Variants in HIBCH observed in about 807,000 individuals in gnomAD.
HIBCH encodes 3-hydroxyisobutyryl-CoA hydrolase, mitochondrial.
In HIBCH, 50 loss-of-function variants were observed where a neutral mutation model predicts 58.2. The observed-to-expected ratio is 0.86, with a 90% CI of 0.68 to 1.09. The LOEUF (loss-of-function observed/expected upper bound fraction) is 1.09, where lower values mean the gene tolerates loss of function less well. HIBCH is among the 50% of genes least tolerant of loss of function. The pLI, the probability that HIBCH is intolerant of heterozygous loss-of-function variation, is 0.00. For synonymous variants in HIBCH, 151 were observed against 146.9 expected (o/e 1.03, Z -0.20); for missense variants, 450 against 449.7 (o/e 1.00, Z -0.01).
intron 8 of HIBCH, chr2:190,250,304 C>A (rs1686726536): frequency 4.5e-6 from 2 of 442,298 alleles, no homozygotes; most frequent in South Asian, 3.4e-5. Flanking sequence ...AGCTTCTAGT[C>A]CTTTCTTACA....
chr2:190,192,441 T>A (rs887175506), intron 1 of HIBCH, among the ~76,000 whole-genome samples: 3 of 149,400 alleles, frequency 2.0e-5, no homozygotes, highest in Admixed American at 6.8e-5. Flanking sequence ...TTTCCATGTA[T>A]AATTCAGAAT....
At chr2:190,294,837 G>A (rs552963768) in intron 3 of HIBCH, among the ~76,000 whole-genome samples, 8 of 152,238 alleles carry the variant, frequency 5.3e-5, no homozygotes, top group African/African-American at 1.9e-4. Context: ...AGATAAAGTA[G>A]AGGCTATTTC....
intron 3 of HIBCH, among the ~76,000 whole-genome samples, chr2:190,296,319 C>T (rs1212965443): frequency 6.6e-6 from 1 of 151,540 alleles, no homozygotes; most frequent in African/African-American, 2.4e-5. Flanking sequence ...ACTCAGGAGG[C>T]TGAAGCAGGA....
chr2:190,259,630 ATTG>A (rs1687031612), intron 7 of HIBCH, among the ~76,000 whole-genome samples: 1 of 152,114 alleles, frequency 6.6e-6, no homozygotes, highest in Non-Finnish European at 1.5e-5. Flanking sequence ...TGTAAATGAA[ATTG>A]TTTTCTTATT....
chr2:190,241,348 C>A (rs1032386864), intron 11 of HIBCH, among the ~76,000 whole-genome samples: 4 of 152,152 alleles, frequency 2.6e-5, no homozygotes, highest in Admixed American at 1.3e-4. Flanking sequence ...TTATTTTGAA[C>A]CTATATGTGT....
In HIBCH at chr2:190,219,361, G is replaced by A. The variant is rs184701890; in HGVS notation, c.892-6286C>T. Among the ~76,000 whole-genome samples, 615 of 152,242 alleles carry A rather than the reference G, an allele frequency of 4.0e-3. 4 individuals carry two copies. The highest frequency in any genetic ancestry group is 0.014 in the African/African-American group (594 of 41,538). Reference sequence around the variant, plus strand: ...TTTCCAAAACAAAGTGCCCTGAATCGGCTTAGGTCAGCAAACCACAGAAAA... The same window carrying A: ...TTTCCAAAACAAAGTGCCCTGAATCAGCTTAGGTCAGCAAACCACAGAAAA... On this transcript the variant is annotated intron_variant, in intron 11 of 13. Transcript: ENST00000359678.
chr2:190,294,238 A>G (rs1688046753), intron 4 of HIBCH, among the ~76,000 whole-genome samples: 1 of 151,786 alleles, frequency 6.6e-6, no homozygotes. Flanking sequence ...CAGCTCTTCT[A>G]AAATATAAAG....
At chr2:190,290,159 G>A (rs1302053651) in intron 5 of HIBCH, among the ~76,000 whole-genome samples, 2 of 152,114 alleles carry the variant, frequency 1.3e-5, no homozygotes, top group Admixed American at 6.5e-5. Flanking sequence ...GATTACAGGC[G>A]TGAGCCACCA....
chr2:190,292,464 C>A (rs772966241), intron 4 of HIBCH, among the ~76,000 whole-genome samples: 16 of 152,184 alleles, frequency 1.1e-4, no homozygotes, highest in Non-Finnish European at 2.4e-4. Flanking sequence ...GCCGCCATGC[C>A]CAGCTAATTT....
chr2:190,199,865 G>T (rs200124996), downstream of HIBCH: 8 of 1,613,250 alleles, frequency 5.0e-6, no homozygotes, highest in Non-Finnish European at 6.8e-6. Flanking sequence ...CATAACATGG[G>T]CTGCATGAAA....
At chr2:190,276,220 A>G (rs1384634030) in intron 6 of HIBCH, among the ~76,000 whole-genome samples, 1 of 152,244 alleles carries the variant, frequency 6.6e-6, no homozygotes, top group African/African-American at 2.4e-5. Flanking sequence ...ATGAAAAGTT[A>G]GCCAAAGCTT....
At chr2:190,258,697 A>T (rs1300474513) in intron 7 of HIBCH, among the ~76,000 whole-genome samples, 1 of 152,204 alleles carries the variant, frequency 6.6e-6, no homozygotes, top group Non-Finnish European at 1.5e-5. Context: ...TATTGACCAG[A>T]TTAATGTCAC....
chr2:190,284,959 A>G (rs982546877), intron 6 of HIBCH, among the ~76,000 whole-genome samples: 1 of 152,178 alleles, frequency 6.6e-6, no homozygotes, highest in African/African-American at 2.4e-5. Flanking sequence ...TGGAGTACTT[A>G]TCACTCCTTT....
chr2:190,211,767 C>G lies in HIBCH; in HGVS notation c.1011+1189G>C, dbSNP rs1690516176. Among the ~76,000 whole-genome samples, 1 of 152,150 alleles carries G rather than the reference C, an allele frequency of 6.6e-6. No individual in the cohort carries two copies. Among genetic ancestry groups the G allele is most frequent in the African/African-American group, 2.4e-5 (1 of 41,434 alleles). Reference sequence around the variant, plus strand: ...TTTGTTTACTTGTTCTTTGTAGTCTCAGTAGACTAAACCCATGAAAATAAA... The same window carrying G: ...TTTGTTTACTTGTTCTTTGTAGTCTGAGTAGACTAAACCCATGAAAATAAA... On this transcript the variant is annotated intron_variant, in intron 12 of 13. Transcript: ENST00000359678. This position sits in a 1 kb window ranked among gnomAD's most constrained non-coding sequence, Gnocchi z 5.0.
intron 3 of HIBCH, 87 bp downstream of exon 3, chr2:190,296,726 T>C: frequency 2.4e-6 from 3 of 1,233,610 alleles, no homozygotes; most frequent in Non-Finnish European, 3.6e-6. Context: ...GAGAATTATG[T>C]GATTCTATGG....
At chr2:190,314,796 A>G (rs1413909839) in intron 1 of HIBCH, among the ~76,000 whole-genome samples, 3 of 152,056 alleles carry the variant, frequency 2.0e-5, no homozygotes, top group African/African-American at 4.8e-5. Context: ...TCTAATTCAA[A>G]TTCAGCTGTC....
rs1025157054 is a variant in HIBCH, at chr2:190,197,838, A to G, written c.*17+7262T>C. ...TGCTTTTGCAAAACAAAAGGTCTTA[A>G]AAAACAGAATATTCTGATGGTTCCA... On this transcript the variant is annotated intron_variant, in intron 1 of 1. Coordinates refer to the HIBCH transcript ENST00000399855. The surrounding 1 kb of genome is among the most constrained non-coding windows in gnomAD (Gnocchi z 4.0). 1.3e-5 allele frequency among the ~76,000 whole-genome samples: 2 copies of G among 152,252 alleles called. No homozygotes were observed. Among genetic ancestry groups the G allele is most frequent in the African/African-American group, 4.8e-5 (2 of 41,466 alleles).
rs10183567 is a variant in HIBCH at position 190,255,411 on chromosome 2, G to A, written c.518-3104C>T. ...TTGCTATTCACATCTCAGCTTAAAG[G>A]ACAACTCCTCTGAGAGCATCTTTAA... On this transcript the variant is annotated intron_variant, in intron 7 of 13. Coordinates refer to ENST00000359678, the MANE Select transcript of HIBCH (RefSeq NM_014362.4). Among the ~76,000 whole-genome samples the A allele has an allele frequency of 5.4e-3, 826 of 152,222 alleles. 9 individuals carry two copies. The highest frequency in any genetic ancestry group is 0.019 in the African/African-American group (793 of 41,532).
intron 7 of HIBCH, among the ~76,000 whole-genome samples, chr2:190,253,433 A>C (rs929773042): frequency 3.9e-5 from 6 of 152,172 alleles, no homozygotes; most frequent in African/African-American, 1.2e-4. Context: ...AAACAGAAAT[A>C]TCTCTTAGTA....
Sources: gnomAD v4.1 joint callset for allele counts (sites outside exome capture counted in the v4.1 genomes callset) on GRCh38, gnomAD v4.1.1 for gene constraint, Gnocchi (gnomAD v3.1) non-coding constraint, MANE v1.5 for transcripts, NCBI Gene and HGNC (gene_info 2026-07-23, HGNC 2026-07-21) for gene names.